The following CMIP variants were observed in gnomAD, a reference collection of about 807,000 sequenced individuals.
CMIP encodes the protein C-Maf-inducing protein.
CMIP carries 13 observed loss-of-function variants against 97.3 expected under a neutral mutation model. The ratio of observed to expected loss-of-function variants is 0.13; its 90% confidence interval spans 0.09 to 0.21. CMIP has a LOEUF of 0.21. Among genes scored for constraint, CMIP ranks in the 10% least tolerant of loss-of-function variants. CMIP has a pLI of 1.00. For missense variants in CMIP, 847 were observed against 1,024.9 expected, an observed-to-expected ratio of 0.83 and a Z score of 2.37; for synonymous variants, 538 against 436.3, an observed-to-expected ratio of 1.23 and a Z score of -2.91.
intron 7 of CMIP, chr16:81,667,200 C>T: frequency 6.6e-6 from 1 of 152,236 alleles, no homozygotes; most frequent in East Asian, 1.9e-4. Context: ...TGCTCCCTTT[C>T]ACGGATGAGC....
In CMIP at chr16:81,583,053, A is replaced by G. The variant is rs184506049; in HGVS notation, c.301-24514A>G. Among the ~76,000 whole-genome samples, 9 of 152,314 alleles carry G rather than the reference A, an allele frequency of 5.9e-5. No homozygotes were observed. In the East Asian group the frequency reaches 1.7e-3, roughly 29 times the overall value. On this transcript the variant is annotated intron_variant, in intron 1 of 20. Coordinates refer to ENST00000537098, the MANE Select transcript of CMIP (RefSeq NM_198390.3). ...AAGCGAGGAAAGAAGGAGTGTTTCT[A>G]TCTAAAATTATTTAAATTTCTCTAA... is the stretch of plus-strand genomic sequence containing the variant.
At chr16:81,530,519 T>C (rs2090212559) in intron 1 of CMIP, among the ~76,000 whole-genome samples, 1 of 152,148 alleles carries the variant, frequency 6.6e-6, no homozygotes, top group South Asian at 2.1e-4. Context: ...GTGACTCACC[T>C]GGCACCCCTG....
At chr16:81,489,777 C>T (rs1388614528) in intron 1 of CMIP, among the ~76,000 whole-genome samples, 1 of 152,224 alleles carries the variant, frequency 6.6e-6, no homozygotes. Context: ...AAGGGCCCTT[C>T]ACGCTGGGAG....
chr16:81,563,105 C>T (rs4889339), intron 1 of CMIP, among the ~76,000 whole-genome samples: 6 of 152,172 alleles, frequency 3.9e-5, no homozygotes, highest in African/African-American at 1.2e-4. Context: ...CACAAAGCCT[C>T]CCCCAGCTGG....
intron 10 of CMIP, among the ~76,000 whole-genome samples, chr16:81,691,339 G>A (rs566329012): frequency 2.6e-5 from 4 of 152,144 alleles, no homozygotes; most frequent in African/African-American, 7.2e-5. Flanking sequence ...TCCGTCTACA[G>A]CCTCATTGTA....
chr16:81,702,557 G>A (rs372733482), intron 16 of CMIP, 65 bp from the exon 17 acceptor site: 31 of 1,461,630 alleles, frequency 2.1e-5, no homozygotes, highest in East Asian at 7.0e-5. Context: ...TGTTAACAGA[G>A]GTGGAAGTCT....
chr16:81,578,341 C>T (rs910668457), intron 1 of CMIP, among the ~76,000 whole-genome samples: 5 of 152,250 alleles, frequency 3.3e-5, no homozygotes, highest in Admixed American at 6.5e-5. Context: ...CTTTCCTGCT[C>T]TTCCTGGGGT....
intron 1 of CMIP, among the ~76,000 whole-genome samples, chr16:81,575,581 C>T (rs73596482): frequency 0.038 from 5,805 of 152,218 alleles, 330 homozygotes; most frequent in African/African-American, 0.12. Context: ...GAGGCTGGAG[C>T]CAACACCCCC....
intron 3 of CMIP, among the ~76,000 whole-genome samples, chr16:81,641,784 T>C (rs2092309622): frequency 6.6e-6 from 1 of 152,160 alleles, no homozygotes; most frequent in Admixed American, 6.5e-5. Flanking sequence ...GCAACTGCCT[T>C]TGGGAAACCG....
intron 1 of CMIP, among the ~76,000 whole-genome samples, chr16:81,460,322 C>G (rs77065587): frequency 0.013 from 2,023 of 152,192 alleles, 50 homozygotes; most frequent in African/African-American, 0.046. Flanking sequence ...GGGTTGCCAG[C>G]GGTTGCCATG....
intron 3 of CMIP, among the ~76,000 whole-genome samples, chr16:81,622,587 C>G (rs903495933): frequency 1.3e-5 from 2 of 152,136 alleles, no homozygotes. Flanking sequence ...CTTGCATTTT[C>G]TCTTAGCTCA....
chr16:81,572,560 A>G (rs1207915475), intron 1 of CMIP, among the ~76,000 whole-genome samples: 2 of 152,072 alleles, frequency 1.3e-5, no homozygotes, highest in East Asian at 1.9e-4. Context: ...CCCTGACGGG[A>G]GTTAGGCCTT....
intron 1 of CMIP, chr16:81,476,017 C>A: frequency 1.6e-6 from 1 of 625,542 alleles, no homozygotes; most frequent in Non-Finnish European, 2.9e-6. Flanking sequence ...AAACATAAGT[C>A]AAACTTTATT....
At chr16:81,676,161 C>T (rs1904304571) in intron 9 of CMIP, among the ~76,000 whole-genome samples, 1 of 152,188 alleles carries the variant, frequency 6.6e-6, no homozygotes, top group Admixed American at 6.5e-5. Flanking sequence ...GAGATGGTGC[C>T]TGCTGCCTCG....
intron 1 of CMIP, among the ~76,000 whole-genome samples, chr16:81,467,585 ATT>A (rs200498828): frequency 1.5e-5 from 2 of 137,158 alleles, no homozygotes; most frequent in African/African-American, 2.7e-5. Flanking sequence ...TTTCTTCTTT[ATT>A]TTTTTTTTTT....
intron 1 of CMIP, among the ~76,000 whole-genome samples, chr16:81,555,527 A>T (rs2090745036): frequency 6.6e-6 from 1 of 152,208 alleles, no homozygotes; most frequent in Admixed American, 6.5e-5. Flanking sequence ...CTAAGGCCTC[A>T]TTCCCAGCTC....
intron 10 of CMIP, among the ~76,000 whole-genome samples, chr16:81,685,510 G>A (rs4889364): frequency 0.22 from 33,983 of 151,902 alleles, 3,971 homozygotes; most frequent in Non-Finnish European, 0.25. Context: ...ATTTCTGCAT[G>A]GAATATGCTT....
chr16:81,489,541 G>A (rs1196686322), intron 1 of CMIP, among the ~76,000 whole-genome samples: 1 of 152,192 alleles, frequency 6.6e-6, no homozygotes. Flanking sequence ...CCGGAGGTCT[G>A]GAAGACTTTA....
Position 81,652,217 on chromosome 16 carries a change from A to G in CMIP, c.492A>G (p.Lys164=), listed in dbSNP as rs1338054281. 3.7e-6 allele frequency: 6 copies of G among 1,613,204 alleles called. No individual in the cohort carries two copies. The highest frequency in any genetic ancestry group is 5.1e-6 in the Non-Finnish European group (6 of 1,179,318). The change falls in exon 4 of 21, where the codon AAA becomes AAG. Residue 164 remains lysine (K), a synonymous_variant. Coordinates refer to ENST00000537098, the MANE Select transcript of CMIP (RefSeq NM_198390.3). The surrounding 1 kb of genome is among the most constrained non-coding windows in gnomAD (Gnocchi z 5.2). ...HSLQWKKKIY[K]YKKVLSNPSR... is the part of the protein sequence containing the mutation. ...CTTTCAACCAGAAAAAGATTTACAA[A>G]TATAAGAAAGTGCTGAGTAACCCAA...
Sources: allele counts gnomAD v4.1 joint callset (sites outside exome capture counted in the v4.1 genomes callset), GRCh38; gene constraint gnomAD v4.1.1; non-coding constraint Gnocchi (gnomAD v3.1); transcripts MANE v1.5; gene names NCBI Gene and HGNC (gene_info 2026-07-23, HGNC 2026-07-21).